The following AGMO variants were observed in gnomAD, a reference collection of about 807,000 sequenced individuals.
The protein encoded by AGMO is alkylglycerol monooxygenase.
In AGMO, 75 loss-of-function variants were observed where a neutral mutation model predicts 60.2. The observed-to-expected ratio is 1.25, with a 90% CI of 1.03 to 1.51. AGMO has a LOEUF of 1.51. AGMO is among the 40% of genes most tolerant of loss of function. AGMO has a pLI of 0.00. For synonymous variants in AGMO, 261 were observed against 177.1 expected, an observed-to-expected ratio of 1.47 and a Z score of -3.76; for missense variants, 763 against 525.5, an observed-to-expected ratio of 1.45 and a Z score of -4.42.
chr7:15,539,043 G>C (rs1021649103), intron 3 of AGMO, among the ~76,000 whole-genome samples: 1 of 152,132 alleles, frequency 6.6e-6, no homozygotes, highest in Non-Finnish European at 1.5e-5. Context: ...AAATTTTGTA[G>C]CCTCAGTATA....
intron 3 of AGMO, among the ~76,000 whole-genome samples, chr7:15,461,675 G>C (rs1022105401): frequency 6.6e-6 from 1 of 152,044 alleles, no homozygotes; most frequent in Non-Finnish European, 1.5e-5. Flanking sequence ...AGACCTCTGG[G>C]AGATCAGAAG....
chr7:15,233,551 T>C (rs1200411492), intron 12 of AGMO, among the ~76,000 whole-genome samples: 1 of 134,004 alleles, frequency 7.5e-6, no homozygotes, highest in African/African-American at 3.4e-5. Flanking sequence ...CAGAGAGTTG[T>C]TTTTTTTTTT....
chr7:15,479,327 T>C (rs1467939327), intron 3 of AGMO, among the ~76,000 whole-genome samples: 1 of 152,034 alleles, frequency 6.6e-6, no homozygotes, highest in East Asian at 1.9e-4. Flanking sequence ...AATACACAGG[T>C]GATATCAACA....
chr7:15,253,233 G>A (rs141073076), intron 12 of AGMO, among the ~76,000 whole-genome samples: 2,198 of 152,230 alleles, frequency 0.014, 63 homozygotes, highest in African/African-American at 0.049. Context: ...CAAAAGCAAA[G>A]GCCTGGGTAG....
intron 12 of AGMO, among the ~76,000 whole-genome samples, chr7:15,329,211 G>C (rs1781430774): frequency 6.6e-6 from 1 of 152,154 alleles, no homozygotes; most frequent in Non-Finnish European, 1.5e-5. Context: ...ATATTCGTCT[G>C]TATTGTATTT....
chr7:15,430,031 G>C (rs947882578), intron 4 of AGMO, among the ~76,000 whole-genome samples: 5 of 151,962 alleles, frequency 3.3e-5, no homozygotes, highest in South Asian at 4.2e-4. Flanking sequence ...TTAGTGGTGT[G>C]ACTGAACTAT....
intron 4 of AGMO, among the ~76,000 whole-genome samples, chr7:15,424,712 G>T (rs962139952): frequency 1.3e-5 from 2 of 152,150 alleles, no homozygotes; most frequent in African/African-American, 4.8e-5. Context: ...ATCTTTAAGT[G>T]CTGGTTGAGG....
intron 3 of AGMO, among the ~76,000 whole-genome samples, chr7:15,537,666 T>A (rs1447207331): frequency 6.6e-6 from 1 of 152,160 alleles, no homozygotes; most frequent in Non-Finnish European, 1.5e-5. Flanking sequence ...TATTTTTGTT[T>A]ATGACTTCCC....
intron 12 of AGMO, among the ~76,000 whole-genome samples, chr7:15,271,977 T>G (rs1322507184): frequency 6.6e-6 from 1 of 152,168 alleles, no homozygotes; most frequent in Non-Finnish European, 1.5e-5. Flanking sequence ...TTTATTGATT[T>G]GCATGGTTGT....
At chr7:15,145,733 T>G in the AGMO span, among the ~76,000 whole-genome samples, 26 of 152,262 alleles carry the variant, frequency 1.7e-4, no homozygotes, top group Non-Finnish European at 2.8e-4. Context: ...GATATAAAGA[T>G]TATTACCCGT....
chr7:15,220,987 A>G (rs935375820), intron 12 of AGMO, among the ~76,000 whole-genome samples: 1 of 152,212 alleles, frequency 6.6e-6, no homozygotes, highest in Non-Finnish European at 1.5e-5. Flanking sequence ...AACATTCAAG[A>G]AAGTTGGAAG....
At chr7:15,327,740 C>CTTTTTT (rs546851399) in intron 12 of AGMO, among the ~76,000 whole-genome samples, 1 of 88,024 alleles carries the variant, frequency 1.1e-5, no homozygotes, top group Non-Finnish European at 2.1e-5. Flanking sequence ...TGATTTCTTT[C>CTTTTTT]TTTTTTTTTT....
chr7:15,166,548 T>A, the AGMO span, among the ~76,000 whole-genome samples: 1 of 152,056 alleles, frequency 6.6e-6, no homozygotes, highest in Non-Finnish European at 1.5e-5. Context: ...TTAAACAGAG[T>A]AGGAACAGGA....
At chr7:15,241,672 G>A (rs1477408830) in intron 12 of AGMO, among the ~76,000 whole-genome samples, 3 of 151,986 alleles carry the variant, frequency 2.0e-5, no homozygotes, top group African/African-American at 4.8e-5. Flanking sequence ...TCTCTTGACT[G>A]TGAGTTTCCC....
At chr7:15,325,595 A>G (rs2128541930) in intron 12 of AGMO, among the ~76,000 whole-genome samples, 1 of 152,306 alleles carries the variant, frequency 6.6e-6, no homozygotes, top group East Asian at 1.9e-4. Context: ...GGCCTTTAAA[A>G]TATAAACAAT....
chr7:15,398,194 C>A (rs1036107870), intron 5 of AGMO, among the ~76,000 whole-genome samples: 2 of 152,140 alleles, frequency 1.3e-5, no homozygotes, highest in Non-Finnish European at 2.9e-5. Context: ...ATCCTAGGCC[C>A]TGGCGTGTGT....
chr7:15,128,484 T>C, the AGMO span, among the ~76,000 whole-genome samples: 1 of 152,146 alleles, frequency 6.6e-6, no homozygotes, highest in Non-Finnish European at 1.5e-5. Flanking sequence ...GACTTTGTGA[T>C]AATTCATTTG....
chr7:15,139,247 A>G, the AGMO span, among the ~76,000 whole-genome samples: 1 of 152,138 alleles, frequency 6.6e-6, no homozygotes, highest in Admixed American at 6.6e-5. Flanking sequence ...TCCACTCCCA[A>G]TTATTTCTAC....
chr7:15,228,673 G>T (rs923476903), intron 12 of AGMO, among the ~76,000 whole-genome samples: 2 of 152,068 alleles, frequency 1.3e-5, no homozygotes, highest in East Asian at 1.9e-4. Context: ...AGATATAAAT[G>T]ATCACTTAAA....
Sources: allele counts gnomAD v4.1 joint callset (sites outside exome capture counted in the v4.1 genomes callset), GRCh38; gene constraint gnomAD v4.1.1; transcripts MANE v1.5; gene names NCBI Gene and HGNC (gene_info 2026-07-23, HGNC 2026-07-21).